Variants in SLC25A21 observed in about 807,000 individuals in gnomAD.
SLC25A21 encodes mitochondrial 2-oxodicarboxylate carrier.
Under a neutral mutation model 43.8 loss-of-function variants are expected in SLC25A21, and 47 were observed. That is an observed-to-expected ratio of 1.07 (90% CI 0.85 to 1.37). The LOEUF is 1.37. Ranked by LOEUF, SLC25A21 falls within the 40% of genes most tolerant of loss-of-function variation. The pLI, the probability that SLC25A21 is intolerant of heterozygous loss-of-function variation, is 0.00. For synonymous variants in SLC25A21, 131 were observed against 121.3 expected (o/e 1.08, Z -0.52); for missense variants, 352 against 350.2 (o/e 1.00, Z -0.04).
chr14:37,166,920 C>T (rs559648154), intron 1 of SLC25A21, among the ~76,000 whole-genome samples: 4 of 152,234 alleles, frequency 2.6e-5, no homozygotes, highest in African/African-American at 7.2e-5. Flanking sequence ...TAACAGGGAT[C>T]GAAAGCCTCT....
intron 1 of SLC25A21, among the ~76,000 whole-genome samples, chr14:37,083,574 A>G (rs1474391629): frequency 1.3e-5 from 2 of 152,216 alleles, no homozygotes; most frequent in African/African-American, 4.8e-5. Context: ...TAGCTTGCCC[A>G]AGGCCACCCA....
intron 1 of SLC25A21, among the ~76,000 whole-genome samples, chr14:37,120,209 A>G (rs1044122837): frequency 2.6e-5 from 4 of 152,176 alleles, no homozygotes; most frequent in African/African-American, 7.2e-5. Context: ...AAAAACTGCC[A>G]ATCTTTATAC....
intron 1 of SLC25A21, among the ~76,000 whole-genome samples, chr14:37,157,008 C>T (rs922069537): frequency 5.1e-4 from 78 of 152,164 alleles, no homozygotes; most frequent in Non-Finnish European, 3.5e-4. Context: ...GGCACATTCT[C>T]CAGGATAGAC....
intron 1 of SLC25A21, among the ~76,000 whole-genome samples, chr14:36,928,919 T>C (rs921225584): frequency 5.9e-5 from 9 of 152,174 alleles, no homozygotes; most frequent in African/African-American, 2.2e-4. Context: ...AATTCCCTCA[T>C]TGTGCATAAT....
intron 1 of SLC25A21, among the ~76,000 whole-genome samples, chr14:36,921,402 C>A (rs1891978204): frequency 1.3e-5 from 2 of 152,078 alleles, no homozygotes; most frequent in Non-Finnish European, 2.9e-5. Flanking sequence ...AGTCCTTTAT[C>A]CTCAATGAAT....
At position 37,087,184 on chromosome 14, in the gene SLC25A21, T is replaced by G. The variant is rs377099213; in HGVS notation, c.70+85097A>C. Reference sequence around the variant, plus strand: ...CTCCACAATAAAAGAAGTTCTGACCTGTGAATTCATTTTTTCAATCCAGTA... The same window carrying G: ...CTCCACAATAAAAGAAGTTCTGACCGGTGAATTCATTTTTTCAATCCAGTA... On this transcript the variant is annotated intron_variant, in intron 1 of 9. Coordinates refer to ENST00000331299, the MANE Select transcript of SLC25A21 (RefSeq NM_030631.4). Among the ~76,000 whole-genome samples the G allele has an allele frequency of 1.1e-4, 17 of 152,322 alleles. No individual in the cohort carries two copies. The East Asian group carries it at 3.1e-3, about 28-fold the overall frequency.
At chr14:36,957,987 C>A (rs574985804) in intron 1 of SLC25A21, among the ~76,000 whole-genome samples, 1 of 152,250 alleles carries the variant, frequency 6.6e-6, no homozygotes, top group South Asian at 2.1e-4. Flanking sequence ...TTAACTTGAA[C>A]ATATATAACA....
intron 1 of SLC25A21, among the ~76,000 whole-genome samples, chr14:36,877,700 G>C (rs1248396975): frequency 6.6e-6 from 1 of 151,854 alleles, no homozygotes. Context: ...ACAGAGGACA[G>C]CATGAGCATG....
At chr14:37,059,485 G>A (rs1324594870) in intron 1 of SLC25A21, among the ~76,000 whole-genome samples, 2 of 152,164 alleles carry the variant, frequency 1.3e-5, no homozygotes, top group Admixed American at 6.5e-5. Flanking sequence ...CTTCGTCTGA[G>A]ACAAGGAATT....
chr14:36,686,765 G>A (rs1043722214), intron 7 of SLC25A21, among the ~76,000 whole-genome samples: 6 of 152,120 alleles, frequency 3.9e-5, no homozygotes, highest in Admixed American at 3.3e-4. Context: ...TTGTATACAC[G>A]TTGTCCTTCT....
At chr14:36,915,722 T>C (rs2138617557) in intron 1 of SLC25A21, among the ~76,000 whole-genome samples, 1 of 152,290 alleles carries the variant, frequency 6.6e-6, no homozygotes, top group East Asian at 1.9e-4. Flanking sequence ...ATAGATTTGC[T>C]GTGATCCACC....
At chr14:36,753,159 AC>A (rs531246786) in intron 3 of SLC25A21, among the ~76,000 whole-genome samples, 219 of 152,324 alleles carry the variant, frequency 1.4e-3, no homozygotes, top group Middle Eastern at 0.01. Flanking sequence ...TGATGGTTGC[AC>A]AACAGTGTGA....
rs1036969397 is a variant in SLC25A21 at position 36,912,307 on chromosome 14, A to C, written c.71-37303T>G. On this transcript the variant is annotated intron_variant, in intron 1 of 9. Transcript: ENST00000331299. The stretch of plus-strand genomic sequence containing the variant: ...TACTTTTGTTCTCCACGGCCACCAG[A>C]TATGAGAATGGGATGTACCAGGAAC... Among the ~76,000 whole-genome samples, 4 of 152,312 alleles carry C rather than the reference A, an allele frequency of 2.6e-5. No individual in the cohort carries two copies. The Middle Eastern group carries it at 0.01, about 389-fold the overall frequency.
intron 5 of SLC25A21, among the ~76,000 whole-genome samples, chr14:36,726,410 G>A (rs916231372): frequency 1.3e-5 from 2 of 150,680 alleles, no homozygotes; most frequent in African/African-American, 4.9e-5. Context: ...TGCAGCCTGA[G>A]CAACAGAGTG....
At chr14:36,760,307 C>G (rs551043831) in intron 3 of SLC25A21, among the ~76,000 whole-genome samples, 2 of 145,272 alleles carry the variant, frequency 1.4e-5, no homozygotes, top group African/African-American at 2.6e-5. Flanking sequence ...GACATTATTG[C>G]CATGTTGATT....
intron 1 of SLC25A21, among the ~76,000 whole-genome samples, chr14:37,028,887 T>C (rs766892387): frequency 6.6e-6 from 1 of 152,304 alleles, no homozygotes; most frequent in Non-Finnish European, 1.5e-5. Flanking sequence ...GCTATTATTG[T>C]TGGACACATA....
At chr14:37,046,152 T>G (rs977569586) in intron 1 of SLC25A21, among the ~76,000 whole-genome samples, 7 of 152,004 alleles carry the variant, frequency 4.6e-5, no homozygotes, top group Non-Finnish European at 8.8e-5. Context: ...CAGCCAGAAC[T>G]CCAAGGCAGG....
At chr14:36,849,038 A>T (rs529892981) in intron 2 of SLC25A21, among the ~76,000 whole-genome samples, 88 of 152,282 alleles carry the variant, frequency 5.8e-4, no homozygotes, top group African/African-American at 2.1e-3. Flanking sequence ...AGTACAGGGG[A>T]TCTGCAAAGT....
chr14:37,099,687 T>C (rs919000294), intron 1 of SLC25A21, among the ~76,000 whole-genome samples: 4 of 152,218 alleles, frequency 2.6e-5, no homozygotes, highest in African/African-American at 9.7e-5. Context: ...AGTTACTATT[T>C]GCTGTGCACC....
Sources: gnomAD v4.1 joint callset for allele counts (sites outside exome capture counted in the v4.1 genomes callset) on GRCh38, gnomAD v4.1.1 for gene constraint, MANE v1.5 for transcripts, NCBI Gene and HGNC (gene_info 2026-07-23, HGNC 2026-07-21) for gene names.